Variants in HPSE2 observed in about 807,000 individuals in gnomAD.
HPSE2 encodes the protein inactive heparanase-2.
In HPSE2, 38 loss-of-function variants were observed where a neutral mutation model predicts 60.5. The observed-to-expected ratio is 0.63, with a 90% confidence interval of 0.48 to 0.82. The LOEUF is 0.82. HPSE2 is among the 40% of genes least tolerant of loss of function. The pLI is 0.00. For missense variants in HPSE2, 713 were observed against 740.4 expected (o/e 0.96, Z 0.43); for synonymous variants, 295 against 293.2 (o/e 1.01, Z -0.06).
intron 2 of HPSE2, among the ~76,000 whole-genome samples, chr10:99,202,894 C>A (rs1848622735): frequency 2.0e-5 from 3 of 152,074 alleles, no homozygotes. Flanking sequence ...CCATGTCACC[C>A]CTCCTCCGAC....
intron 7 of HPSE2, among the ~76,000 whole-genome samples, chr10:98,623,823 AAAC>A (rs1170279302): frequency 2.0e-5 from 3 of 151,312 alleles, no homozygotes; most frequent in Non-Finnish European, 2.9e-5. Context: ...CTGAAATTTA[AAAC>A]AACAAGTATG....
intron 3 of HPSE2, among the ~76,000 whole-genome samples, chr10:99,000,418 C>T (rs1038329561): frequency 2.6e-5 from 4 of 152,112 alleles, no homozygotes; most frequent in African/African-American, 9.7e-5. Flanking sequence ...TGTCCATCAT[C>T]TTTACAGTGG....
chr10:99,071,372 T>A (rs1167521700), intron 3 of HPSE2, among the ~76,000 whole-genome samples: 3 of 152,104 alleles, frequency 2.0e-5, no homozygotes, highest in Non-Finnish European at 4.4e-5. Flanking sequence ...GCCTGGCCTA[T>A]TTTTAATTTT....
intron 9 of HPSE2, among the ~76,000 whole-genome samples, chr10:98,556,594 A>G (rs1430876468): frequency 6.6e-6 from 1 of 152,234 alleles, no homozygotes; most frequent in African/African-American, 2.4e-5. Context: ...ACACCTAGAA[A>G]TATATCTAAT....
intron 3 of HPSE2, among the ~76,000 whole-genome samples, chr10:98,799,487 T>C (rs1197916378): frequency 3.3e-5 from 5 of 152,196 alleles, no homozygotes; most frequent in East Asian, 1.9e-4. Context: ...AGAATATACA[T>C]AGTTCTGCTC....
intron 3 of HPSE2, among the ~76,000 whole-genome samples, chr10:99,114,266 C>T (rs1221731328): frequency 1.3e-5 from 2 of 152,204 alleles, no homozygotes; most frequent in African/African-American, 4.8e-5. Flanking sequence ...AAAATTCACC[C>T]ATATTCAACC....
chr10:98,693,979 A>C (rs762944619), intron 5 of HPSE2, 32 bp from the exon 6 acceptor site: 4 of 1,530,880 alleles, frequency 2.6e-6, no homozygotes, highest in Non-Finnish European at 3.6e-6. Flanking sequence ...AAGATATTAC[A>C]ACTTAGATTA....
chr10:98,608,788 C>T (rs1406153629), intron 9 of HPSE2, among the ~76,000 whole-genome samples: 2 of 152,144 alleles, frequency 1.3e-5, no homozygotes, highest in South Asian at 2.1e-4. Flanking sequence ...GTACACTCTG[C>T]TTCTTTCATC....
Position 99,132,070 on chromosome 10 carries a change from C to T in HPSE2, c.610+12168G>A, listed in dbSNP as rs570991476. 3.3e-5 allele frequency among the ~76,000 whole-genome samples: 5 copies of T among 150,348 alleles called. No homozygotes were observed. The East Asian group carries it at 9.8e-4, about 29-fold the overall frequency. On this transcript the variant is annotated intron_variant, in intron 3 of 11. Transcript: ENST00000370552. ...GAGGTTGCAGAGAGCCAAGATTGTG[C>T]CATTGCACTCCAGCCTGGGCAACAA...
At chr10:98,748,647 G>C (rs1227413084) in intron 3 of HPSE2, among the ~76,000 whole-genome samples, 1 of 152,114 alleles carries the variant, frequency 6.6e-6, no homozygotes, top group Non-Finnish European at 1.5e-5. Flanking sequence ...GCTGACAGTT[G>C]ATGCTGTGAA....
Position 99,071,110 on chromosome 10 carries a change from C to T in HPSE2, c.610+73128G>A, listed in dbSNP as rs186745872. On this transcript the variant is annotated intron_variant, in intron 3 of 11. Coordinates refer to ENST00000370552, the MANE Select transcript of HPSE2 (RefSeq NM_021828.5). ...TTGAGATGGAGTCTCACTCTTGTCACCCAGGCTGAAGTGCAGAGGCATGAT... is the reference window on the plus strand; with the variant it reads ...TTGAGATGGAGTCTCACTCTTGTCATCCAGGCTGAAGTGCAGAGGCATGAT... Among the ~76,000 whole-genome samples, 221 of 148,948 alleles carry T rather than the reference C, an allele frequency of 1.5e-3. 2 individuals carry two copies. The highest frequency in any genetic ancestry group is 3.6e-3 in the Admixed American group (53 of 14,896).
intron 3 of HPSE2, among the ~76,000 whole-genome samples, chr10:98,846,155 C>T (rs979450669): frequency 6.6e-6 from 1 of 152,150 alleles, no homozygotes; most frequent in African/African-American, 2.4e-5. Context: ...TGTCTTTATA[C>T]AACTTAACAA....
At chr10:98,788,800 G>A (rs904188394) in intron 3 of HPSE2, among the ~76,000 whole-genome samples, 10 of 150,662 alleles carry the variant, frequency 6.6e-5, no homozygotes, top group Non-Finnish European at 8.9e-5. Context: ...GCCCTGCTTC[G>A]GCTCGAGCAC....
chr10:99,184,089 T>C (rs983878513), intron 2 of HPSE2, among the ~76,000 whole-genome samples: 2 of 151,538 alleles, frequency 1.3e-5, no homozygotes, highest in Non-Finnish European at 2.9e-5. Context: ...CCCAACAACA[T>C]AAAACCCAAA....
At chr10:99,091,447 C>T (rs1376904885) in intron 3 of HPSE2, among the ~76,000 whole-genome samples, 1 of 152,134 alleles carries the variant, frequency 6.6e-6, no homozygotes, top group African/African-American at 2.4e-5. Context: ...TCCATGATTA[C>T]TTCTAAAATA....
chr10:99,049,269 T>A (rs539803257), intron 3 of HPSE2, among the ~76,000 whole-genome samples: 32 of 152,354 alleles, frequency 2.1e-4, no homozygotes, highest in African/African-American at 7.7e-4. Flanking sequence ...ATTGATCTTT[T>A]CATTTATTCC....
At chr10:98,728,630 C>T (rs923874255) in intron 4 of HPSE2, among the ~76,000 whole-genome samples, 3 of 152,060 alleles carry the variant, frequency 2.0e-5, no homozygotes, top group Non-Finnish European at 2.9e-5. Flanking sequence ...AACAAACAAA[C>T]GAACAAACCT....
At chr10:98,646,195 T>TC (rs1946764035) in intron 6 of HPSE2, among the ~76,000 whole-genome samples, 1 of 152,162 alleles carries the variant, frequency 6.6e-6, no homozygotes, top group Non-Finnish European at 1.5e-5. Flanking sequence ...TTGCATGTGG[T>TC]GATAGGTCCA....
At chr10:99,223,946 A>G (rs1849393213) in intron 2 of HPSE2, among the ~76,000 whole-genome samples, 1 of 152,120 alleles carries the variant, frequency 6.6e-6, no homozygotes, top group African/African-American at 2.4e-5. Context: ...TTCAACATGG[A>G]AAGTATAATA....
Sources: allele counts gnomAD v4.1 joint callset (sites outside exome capture counted in the v4.1 genomes callset), GRCh38; gene constraint gnomAD v4.1.1; transcripts MANE v1.5; gene names NCBI Gene and HGNC (gene_info 2026-07-23, HGNC 2026-07-21).